RBM10: variants seen among roughly 807,000 people sequenced by gnomAD.
RBM10 encodes the protein RNA-binding protein 10.
In RBM10, 1 loss-of-function variant was observed where a neutral mutation model predicts 84.9. That is an observed-to-expected ratio of 0.01 (90% CI 0.00 to 0.06). The LOEUF (loss-of-function observed/expected upper bound fraction) is 0.06, where lower values mean the gene tolerates loss of function less well. Among genes scored for constraint, RBM10 ranks in the 10% least tolerant of loss-of-function variants. RBM10 has a pLI of 1.00. For missense variants in RBM10, 438 were observed against 839.0 expected, an observed-to-expected ratio of 0.52 and a Z score of 5.90; for synonymous variants, 326 against 344.5, an observed-to-expected ratio of 0.95 and a Z score of 0.60.
chrX:47,181,155 T>TTG, intron 12 of RBM10, 60 bp from the exon 13 acceptor site: 2 of 131,792 alleles, frequency 1.5e-5, no homozygotes, highest in South Asian at 2.0e-4. Context: ...TCTAGCAGGT[T>TTG]CCCCACCCCC....
In RBM10 at chrX:47,165,779, TGG is replaced by T. The variant is rs1243135648; in HGVS notation, c.18-3534_18-3533del. 3.6e-5 allele frequency among the ~76,000 whole-genome samples: 4 copies of T among 111,167 alleles called. No homozygotes were observed. The South Asian group carries it at 1.5e-3, about 42-fold the overall frequency. Reference sequence around the variant, plus strand: ...GCTCACGCCTGTAATCCCAGCATTTTGGGAGACCAAGGTGGGCAGATCACGAG... The same window carrying T: ...GCTCACGCCTGTAATCCCAGCATTTTGAGACCAAGGTGGGCAGATCACGAG... On this transcript the variant is annotated intron_variant, in intron 2 of 23. Transcript: ENST00000377604.
chrX:47,152,218 AT>A (rs1932814290), intron 2 of RBM10, among the ~76,000 whole-genome samples: 1 of 111,672 alleles, frequency 9.0e-6, no homozygotes, highest in African/African-American at 3.3e-5. Flanking sequence ...TATCAAAAAA[AT>A]AAATAAAAAT....
At chrX:47,148,960 G>A (rs1556762808) in intron 2 of RBM10, among the ~76,000 whole-genome samples, 1 of 105,684 alleles carries the variant, frequency 9.5e-6, no homozygotes, top group African/African-American at 3.4e-5. Context: ...CATAGAAAAT[G>A]TATCATAGAT....
Position 47,171,205 on chromosome X carries a change from G to C in RBM10, c.379G>C (p.Ala127Pro). The change falls in exon 4 of 24, where the codon GCC (alanine) becomes CCC (proline). Residue 127 changes from alanine to proline, a missense_variant. Around this residue, in one of 8 missense-constraint regions of RBM10, gnomAD observed 92 missense variants for 134.3 expected, o/e 0.69. Coordinates refer to ENST00000377604, the MANE Select transcript of RBM10 (RefSeq NM_005676.5). The stretch of plus-strand genomic sequence containing the variant: ...GGAGGATGAGGAGGAGGAGGAGAAG[G>C]CCAGTAACATCGTCATGCTGAGGAT... ...EEEDEEEEEK[A>P]SNIVMLRMLP... 8.3e-7 allele frequency: 1 copy of C among 1,208,927 alleles called. No individual in the cohort carries two copies. Among genetic ancestry groups the C allele is most frequent in the East Asian group, 3.0e-5 (1 of 33,715 alleles).
rs576174982 is a variant in RBM10, at chrX:47,160,084, C to T, written c.18-9231C>T. On this transcript the variant is annotated intron_variant, in intron 2 of 23. Coordinates refer to ENST00000377604, the MANE Select transcript of RBM10 (RefSeq NM_005676.5). ...CCTGAGAGGCGGAGGTTGCAGTGAGCCAAGATTGTGCCATTGCACTCCAGC... is the reference window on the plus strand; with the variant it reads ...CCTGAGAGGCGGAGGTTGCAGTGAGTCAAGATTGTGCCATTGCACTCCAGC... 3.8e-4 allele frequency among the ~76,000 whole-genome samples: 43 copies of T among 111,903 alleles called. 1 individual carries two copies. The South Asian group carries it at 0.015, about 40-fold the overall frequency.
intron 17 of RBM10, among the ~76,000 whole-genome samples, chrX:47,184,048 G>C (rs781855037): frequency 2.7e-5 from 3 of 111,874 alleles, no homozygotes; most frequent in Non-Finnish European, 5.6e-5. Context: ...TTAAAAAGCA[G>C]CCGCGATCTC....
chrX:47,163,913 G>A (rs1376428972), intron 2 of RBM10, among the ~76,000 whole-genome samples: 1 of 81,139 alleles, frequency 1.2e-5, no homozygotes, highest in Non-Finnish European at 2.2e-5. Flanking sequence ...CTGTCGCCCA[G>A]GCTGGAGTGC....
At chrX:47,176,066 C>G (rs1935114648) in intron 6 of RBM10, among the ~76,000 whole-genome samples, 1 of 112,915 alleles carries the variant, frequency 8.9e-6, no homozygotes, top group African/African-American at 3.2e-5. Context: ...TTCTTTTTCC[C>G]CTTCTCCAGC....
chrX:47,160,546 A>C (rs1391872517), intron 2 of RBM10, among the ~76,000 whole-genome samples: 2 of 111,044 alleles, frequency 1.8e-5, no homozygotes, highest in Non-Finnish European at 3.8e-5. Flanking sequence ...AACCACAAGG[A>C]GACACCGTCT....
chrX:47,179,209 G>A (rs1935354848), intron 8 of RBM10, 46 bp downstream of exon 8: 10 of 1,199,665 alleles, frequency 8.3e-6, no homozygotes, highest in Non-Finnish European at 1.1e-5. Flanking sequence ...GAGCGGTTGG[G>A]GAGAAGGGAA....
At position 47,175,112 on chromosome X, in the gene RBM10, ACC is replaced by A; in HGVS notation, c.576+28_576+29del. ...AATCAGGTTGCTTTGCCGCACTTGAACCCCCCCCCAAACAAATACTACTTTGT... is the reference window on the plus strand; with the variant it reads ...AATCAGGTTGCTTTGCCGCACTTGAACCCCCCCAAACAAATACTACTTTGT... On this transcript the variant is annotated intron_variant, in intron 6 of 23. Transcript: ENST00000377604. The A allele has an allele frequency of 6.4e-6, 6 of 931,377 alleles. No homozygotes were observed. Among genetic ancestry groups the A allele is most frequent in the African/African-American group, 2.5e-5 (1 of 40,255 alleles). 76.8% of individuals were successfully genotyped at this position (931,377 alleles called of 1,213,427 possible). A position where few individuals can be genotyped will look rare whatever the true frequency, so the allele number is the denominator to read the frequency against.
At chrX:47,166,177 C>T (rs1480193715) in intron 2 of RBM10, among the ~76,000 whole-genome samples, 1 of 111,887 alleles carries the variant, frequency 8.9e-6, no homozygotes, top group East Asian at 2.8e-4. Flanking sequence ...GAGGCTGAGG[C>T]GACAGGCTCA....
chrX:47,184,507 A>T (rs1347723476), intron 17 of RBM10, among the ~76,000 whole-genome samples: 2 of 112,591 alleles, frequency 1.8e-5, no homozygotes, highest in African/African-American at 6.5e-5. Flanking sequence ...GGGACAAAAA[A>T]CATAGCAGAG....
chrX:47,158,115 C>T (rs1806678479), intron 2 of RBM10: 1 of 218,324 alleles, frequency 4.6e-6, no homozygotes, highest in Non-Finnish European at 8.4e-6. Flanking sequence ...CTGCACACCT[C>T]CGCTAAAGCC....
intron 2 of RBM10, among the ~76,000 whole-genome samples, chrX:47,158,966 C>T (rs926564328): frequency 8.9e-6 from 1 of 112,696 alleles, no homozygotes; most frequent in Non-Finnish European, 1.9e-5. Flanking sequence ...GGATAACAGC[C>T]TCCAGCTCCA....
At chrX:47,145,569 CG>C (rs1932053194) in intron 1 of RBM10, 84 bp downstream of exon 1, 1 of 728,275 alleles carries the variant, frequency 1.4e-6, no homozygotes, top group Non-Finnish European at 1.7e-6. Flanking sequence ...GACTTCGGGT[CG>C]GGGGAGATGC....
At position 47,186,811 on chromosome X, in the gene RBM10, G is replaced by A; in HGVS notation, c.*212G>A. 2.1e-6 allele frequency: 1 copy of A among 479,581 alleles called. No homozygotes were observed. The highest frequency in any genetic ancestry group is 3.6e-6 in the Non-Finnish European group (1 of 274,896). 39.5% of individuals were successfully genotyped at this position (479,581 alleles called of 1,213,427 possible). On this transcript the variant is annotated 3_prime_UTR_variant, in exon 24 of 24. Coordinates refer to ENST00000377604, the MANE Select transcript of RBM10 (RefSeq NM_005676.5). ...TTTTGTAATAAAAGCTGAAAAGTCT[G>A]CATGTTGGCCTCTCCTCTTTCTCGT... is the stretch of plus-strand genomic sequence containing the variant.
chrX:47,162,834 G>C (rs963852108), intron 2 of RBM10, among the ~76,000 whole-genome samples: 1 of 107,170 alleles, frequency 9.3e-6, no homozygotes, highest in African/African-American at 3.5e-5. Flanking sequence ...TGGCGCCACC[G>C]CACTCCAGCC....
chrX:47,172,337 G>T (rs1175144210), intron 4 of RBM10, among the ~76,000 whole-genome samples: 3 of 112,134 alleles, frequency 2.7e-5, no homozygotes, highest in African/African-American at 9.7e-5. Flanking sequence ...TTCACCCTGT[G>T]TATGGGTGTG....
Sources: gnomAD v4.1 joint callset for allele counts (sites outside exome capture counted in the v4.1 genomes callset) on GRCh38, gnomAD v4.1.1 for gene constraint, gnomAD v4.1.1 regional missense constraint, MANE v1.5 for transcripts, NCBI Gene and HGNC (gene_info 2026-07-23, HGNC 2026-07-21) for gene names.